PREX2: variants seen among roughly 807,000 people sequenced by gnomAD.
PREX2 encodes phosphatidylinositol-3,4,5-trisphosphate dependent Rac exchange factor 2.
Under a neutral mutation model 203.2 loss-of-function variants are expected in PREX2, and 107 were observed. That is an observed-to-expected ratio of 0.53 (90% CI 0.45 to 0.62). The LOEUF is 0.62. PREX2 is among the 20% of genes least tolerant of loss of function. The pLI is 0.00. For missense variants in PREX2, 1,777 were observed against 1,955.9 expected, an observed-to-expected ratio of 0.91 and a Z score of 1.72; for synonymous variants, 672 against 663.6, an observed-to-expected ratio of 1.01 and a Z score of -0.19.
intron 1 of PREX2, among the ~76,000 whole-genome samples, chr8:67,957,177 G>T (rs145203444): frequency 4.8e-4 from 73 of 152,244 alleles, no homozygotes; most frequent in African/African-American, 1.7e-3. Flanking sequence ...CTTTCTGTAT[G>T]TCCCCACTTC....
Position 68,138,615 on chromosome 8 carries a change from A to G in PREX2, c.4087+98A>G, listed in dbSNP as rs556518662. On this transcript the variant is annotated intron_variant, in intron 33 of 39. Transcript: ENST00000288368. Reference sequence around the variant, plus strand: ...TATTTGATAAGTATTTTATGAACTGAATGATTGAAATGTATCCTTTTGATT... The same window carrying G: ...TATTTGATAAGTATTTTATGAACTGGATGATTGAAATGTATCCTTTTGATT... The G allele has an allele frequency of 1.1e-5, 6 of 534,258 alleles. No homozygotes were observed. The East Asian group carries it at 1.6e-4, about 14-fold the overall frequency. 33.1% of individuals were successfully genotyped at this position (534,258 alleles called of 1,614,324 possible).
At position 68,053,153 on chromosome 8, in the gene PREX2, G is replaced by C. The variant is rs758270726; in HGVS notation, c.1000G>C (p.Ala334Pro). Residue 334 changes from alanine to proline, a missense_variant, in exon 9 of 40, where the codon GCA becomes CCA. Physicochemically the swap from Ala to Pro is conservative, Grantham distance 27 (BLOSUM62 -1). Coordinates refer to ENST00000288368, the MANE Select transcript of PREX2 (RefSeq NM_024870.4). ...VVNGWKIHNT[A>P]KNKWFVCMAK... ...TAATGGATGGAAGATACATAACACA[G>C]CAAAAAATAAATGGTTTGTTTGTAT... 9.3e-6 allele frequency: 15 copies of C among 1,613,398 alleles called. No homozygotes were observed. Among genetic ancestry groups the C allele is most frequent in the Non-Finnish European group, 1.3e-5 (15 of 1,179,612 alleles).
chr8:68,031,338 G>A (rs1204121815), intron 6 of PREX2, among the ~76,000 whole-genome samples: 1 of 152,114 alleles, frequency 6.6e-6, no homozygotes, highest in Admixed American at 6.6e-5. Flanking sequence ...TAATTTATAT[G>A]AGTATAAGCT....
chr8:68,041,100 A>G (rs1454215328), intron 7 of PREX2, among the ~76,000 whole-genome samples: 1 of 152,152 alleles, frequency 6.6e-6, no homozygotes, highest in African/African-American at 2.4e-5. Flanking sequence ...AACCATATAT[A>G]GGACACATTT....
intron 19 of PREX2, among the ~76,000 whole-genome samples, chr8:68,090,284 C>T (rs920815866): frequency 1.3e-5 from 2 of 152,144 alleles, no homozygotes; most frequent in African/African-American, 2.4e-5. Flanking sequence ...TTTAGAAAGA[C>T]TGACTAGACA....
chr8:68,030,453 A>G, intron 5 of PREX2, 44 bp from the exon 6 acceptor site: 1 of 1,597,542 alleles, frequency 6.3e-7, no homozygotes, highest in South Asian at 1.1e-5. Context: ...CTGTACCAGA[A>G]AGCTGAAGAT....
At chr8:68,144,176 C>A (rs752001726) in intron 33 of PREX2, among the ~76,000 whole-genome samples, 15 of 152,050 alleles carry the variant, frequency 9.9e-5, no homozygotes, top group Admixed American at 2.6e-4. Context: ...TATTTTGGGT[C>A]TTTTGCCTTT....
chr8:68,138,822 T>C (rs1402444770), intron 33 of PREX2, among the ~76,000 whole-genome samples: 2 of 152,160 alleles, frequency 1.3e-5, no homozygotes, highest in Non-Finnish European at 2.9e-5. Context: ...AAATCTTCAG[T>C]AGTTTGTTAT....
chr8:68,195,024 C>G (rs1812368889), intron 37 of PREX2, among the ~76,000 whole-genome samples: 1 of 152,154 alleles, frequency 6.6e-6, no homozygotes, highest in Admixed American at 6.5e-5. Flanking sequence ...GGTCTGGATA[C>G]ACTGGAACCA....
intron 1 of PREX2, among the ~76,000 whole-genome samples, chr8:67,958,467 ATTAC>A (rs1230955104): frequency 6.6e-6 from 1 of 152,212 alleles, no homozygotes; most frequent in Non-Finnish European, 1.5e-5. Flanking sequence ...TATAATACCA[ATTAC>A]TTTAATATAA....
chr8:68,022,223 TA>T, intron 4 of PREX2, 83 bp downstream of exon 4: 1 of 731,046 alleles, frequency 1.4e-6, no homozygotes, highest in Admixed American at 2.0e-5. Context: ...CAATATGGAG[TA>T]AAAATCTGTG....
intron 35 of PREX2, chr8:68,177,133 A>G (rs1291069429): frequency 1.3e-5 from 2 of 152,576 alleles, no homozygotes; most frequent in African/African-American, 4.8e-5. Flanking sequence ...CTTTTTATGC[A>G]ATGTGTAATT....
At position 68,231,818 on chromosome 8, in the gene PREX2, C is replaced by A. The variant is rs534024129; in HGVS notation, c.*440C>A. 1.2e-5 allele frequency: 2 copies of A among 164,232 alleles called. No individual in the cohort carries two copies. The allele number at this position is 164,232 out of a possible 1,614,324, so 10.2% of individuals were successfully genotyped here. A position where few individuals can be genotyped will look rare whatever the true frequency, so the allele number is the denominator to read the frequency against. On this transcript the variant is annotated 3_prime_UTR_variant, in exon 40 of 40. Transcript: ENST00000288368. ...GAAGGCCATTATTGAAGAAACCTGG[C>A]GACATCTTGCAAATCATCATGAGAA... is the stretch of plus-strand genomic sequence containing the variant.
chr8:68,126,460 A>G (rs563651905), intron 30 of PREX2, among the ~76,000 whole-genome samples: 1 of 152,226 alleles, frequency 6.6e-6, no homozygotes, highest in East Asian at 1.9e-4. Flanking sequence ...CAAAGCTAGT[A>G]TATAACAGCA....
chr8:68,045,175 T>C (rs1359717984), intron 8 of PREX2, among the ~76,000 whole-genome samples: 1 of 152,084 alleles, frequency 6.6e-6, no homozygotes, highest in Non-Finnish European at 1.5e-5. Flanking sequence ...TATGAAATCA[T>C]GATTAGTCAC....
intron 1 of PREX2, among the ~76,000 whole-genome samples, chr8:68,002,988 G>T (rs763095832): frequency 6.6e-6 from 1 of 152,048 alleles, no homozygotes; most frequent in South Asian, 2.1e-4. Flanking sequence ...CTGGAGGATT[G>T]GTGCTTACTA....
chr8:68,185,053 C>G (rs1812162523), intron 35 of PREX2, among the ~76,000 whole-genome samples: 1 of 152,146 alleles, frequency 6.6e-6, no homozygotes, highest in African/African-American at 2.4e-5. Flanking sequence ...TCACGGCAAA[C>G]ATCAGTTCCC....
chr8:68,223,796 T>A (rs1005314819), intron 38 of PREX2, among the ~76,000 whole-genome samples: 8 of 152,156 alleles, frequency 5.3e-5, no homozygotes, highest in African/African-American at 1.9e-4. Context: ...ATTTCATAGA[T>A]CCACATGGAC....
chr8:68,120,879 G>T (rs765598007), intron 29 of PREX2, 42 bp from the exon 30 acceptor site: 1 of 1,582,410 alleles, frequency 6.3e-7, no homozygotes, highest in East Asian at 2.2e-5. Flanking sequence ...CATTGTTTAG[G>T]AATTATTTGA....
Sources: allele counts gnomAD v4.1 joint callset (sites outside exome capture counted in the v4.1 genomes callset), GRCh38; gene constraint gnomAD v4.1.1; transcripts MANE v1.5; gene names NCBI Gene and HGNC (gene_info 2026-07-23, HGNC 2026-07-21).